The following LRBA variants were observed in gnomAD, a reference collection of about 807,000 sequenced individuals.
LRBA encodes lipopolysaccharide-responsive and beige-like anchor protein.
In LRBA, 176 loss-of-function variants were observed where a neutral mutation model predicts 330.0. The ratio of observed to expected loss-of-function variants is 0.53; its 90% CI spans 0.47 to 0.60. The LOEUF is 0.60. Ranked by LOEUF, LRBA falls within the 20% of genes least tolerant of loss-of-function variation. The probability of loss-of-function intolerance (pLI) is 0.00; values close to 1 mark genes in which losing one functional copy is unlikely to be tolerated. For synonymous variants in LRBA, 1,230 were observed against 1,193.0 expected, an observed-to-expected ratio of 1.03 and a Z score of -0.64; for missense variants, 3,259 against 3,444.8, an observed-to-expected ratio of 0.95 and a Z score of 1.35.
intron 37 of LRBA, among the ~76,000 whole-genome samples, chr4:150,606,576 C>A (rs1774653780): frequency 6.6e-6 from 1 of 152,114 alleles, no homozygotes; most frequent in East Asian, 1.9e-4. Context: ...CTACTCTGTG[C>A]TACACACTGT....
intron 42 of LRBA, among the ~76,000 whole-genome samples, chr4:150,474,329 T>C (rs1311314853): frequency 6.6e-6 from 1 of 152,202 alleles, no homozygotes; most frequent in Non-Finnish European, 1.5e-5. Context: ...TTAATTTATA[T>C]GCCGATCTTT....
intron 40 of LRBA, among the ~76,000 whole-genome samples, chr4:150,559,368 C>T (rs1290839221): frequency 6.6e-6 from 1 of 151,056 alleles, no homozygotes; most frequent in Non-Finnish European, 1.5e-5. Context: ...TGAGACCATC[C>T]TGGCCAACAT....
chr4:150,527,315 G>T (rs1763585181), intron 40 of LRBA, among the ~76,000 whole-genome samples: 1 of 152,106 alleles, frequency 6.6e-6, no homozygotes, highest in Admixed American at 6.5e-5. Flanking sequence ...GGGAAGTACT[G>T]GCTGAACCAA....
intron 4 of LRBA, among the ~76,000 whole-genome samples, chr4:150,926,643 A>T (rs1733914818): frequency 6.6e-6 from 1 of 152,220 alleles, no homozygotes; most frequent in Admixed American, 6.5e-5. Context: ...TGAGTAAAAA[A>T]CTGACCTAGA....
At chr4:150,405,735 G>T (rs1345211330) in intron 47 of LRBA, among the ~76,000 whole-genome samples, 6 of 152,050 alleles carry the variant, frequency 3.9e-5, no homozygotes, top group African/African-American at 1.4e-4. Flanking sequence ...AATTAAGTTG[G>T]TAATAACCTG....
intron 30 of LRBA, among the ~76,000 whole-genome samples, chr4:150,822,953 T>C (rs1745679934): frequency 6.6e-6 from 1 of 152,072 alleles, no homozygotes; most frequent in Non-Finnish European, 1.5e-5. Flanking sequence ...AAGCACAGTG[T>C]TATAAACACA....
intron 35 of LRBA, among the ~76,000 whole-genome samples, chr4:150,739,377 G>A (rs1394740779): frequency 6.6e-6 from 1 of 151,924 alleles, no homozygotes; most frequent in African/African-American, 2.4e-5. Flanking sequence ...CAAAATGCGG[G>A]GTCACAAAGC....
Position 150,285,843 on chromosome 4 carries a change from T to C in LRBA, c.8119+90A>G, listed in dbSNP as rs2126779282. On this transcript the variant is annotated intron_variant, in intron 54 of 56. Transcript: ENST00000651943. The stretch of plus-strand genomic sequence containing the variant: ...TGGCTATCATAACAGACAGAAGCTT[T>C]AGAAAAAAGGTACCAAATTAATCTT... The C allele has an allele frequency of 1.1e-5, 8 of 711,134 alleles. No homozygotes were observed. In the East Asian group the frequency reaches 2.3e-4, roughly 20 times the overall value. 44.1% of individuals were successfully genotyped at this position (711,134 alleles called of 1,614,324 possible). A position where few individuals can be genotyped will look rare whatever the true frequency, so the allele number is the denominator to read the frequency against.
chr4:150,853,317 G>A (rs182045074), intron 22 of LRBA, among the ~76,000 whole-genome samples: 4 of 152,222 alleles, frequency 2.6e-5, no homozygotes, highest in East Asian at 1.9e-4. Flanking sequence ...TGTTTCAACC[G>A]CTATGAATAC....
chr4:150,327,929 C>G (rs61050456), intron 48 of LRBA, among the ~76,000 whole-genome samples: 3,352 of 151,958 alleles, frequency 0.022, 105 homozygotes, highest in African/African-American at 0.072. Flanking sequence ...CAAAATATAC[C>G]ACAGGGCTAA....
At chr4:150,618,846 ATG>A (rs1266017584) in intron 37 of LRBA, among the ~76,000 whole-genome samples, 518 of 38,344 alleles carry the variant, frequency 0.014, 3 homozygotes, top group African/African-American at 0.023. Flanking sequence ...ATATGTGTGT[ATG>A]TATATATATA....
intron 36 of LRBA, among the ~76,000 whole-genome samples, chr4:150,728,290 C>A (rs1478880888): frequency 6.6e-6 from 1 of 151,978 alleles, no homozygotes; most frequent in Non-Finnish European, 1.5e-5. Flanking sequence ...AGAACTAATA[C>A]CAATCCTACT....
intron 37 of LRBA, among the ~76,000 whole-genome samples, chr4:150,661,996 G>A (rs1781159594): frequency 6.6e-6 from 1 of 151,900 alleles, no homozygotes; most frequent in South Asian, 2.1e-4. Context: ...AATTCATTAA[G>A]CTATATCAAA....
At chr4:150,727,758 A>C (rs1053577515) in intron 36 of LRBA, among the ~76,000 whole-genome samples, 4 of 152,126 alleles carry the variant, frequency 2.6e-5, no homozygotes, top group African/African-American at 7.2e-5. Flanking sequence ...CCCGTGTCAA[A>C]AAAAAAGAAA....
Position 150,714,920 on chromosome 4 carries a change from T to C in LRBA, c.5754+20338A>G, listed in dbSNP as rs76943100. Among the ~76,000 whole-genome samples, 696 of 152,256 alleles carry C rather than the reference T, an allele frequency of 4.6e-3. 6 individuals carry two copies. The highest frequency in any genetic ancestry group is 0.016 in the African/African-American group (666 of 41,562). ...AGTCAATATTATTTCACCATTTGTTTCAGGAAATCCTACCCCAGGAAGATA... is the reference window on the plus strand; with the variant it reads ...AGTCAATATTATTTCACCATTTGTTCCAGGAAATCCTACCCCAGGAAGATA... On this transcript the variant is annotated intron_variant, in intron 36 of 56. Transcript: ENST00000651943.
intron 37 of LRBA, among the ~76,000 whole-genome samples, chr4:150,639,823 A>T (rs867325454): frequency 1.4e-4 from 1 of 7,372 alleles, no homozygotes; most frequent in African/African-American, 3.2e-4. Flanking sequence ...GTGTGTGTAT[A>T]TATATATATA....
Position 150,502,780 on chromosome 4 carries a change from G to A in LRBA, c.6331-11745C>T, listed in dbSNP as rs1322787562. Among the ~76,000 whole-genome samples, 3 of 152,236 alleles carry A rather than the reference G, an allele frequency of 2.0e-5. No individual in the cohort carries two copies. In the East Asian group the frequency reaches 5.8e-4, roughly 29 times the overall value. On this transcript the variant is annotated intron_variant, in intron 40 of 56. Transcript: ENST00000651943. ...ATTGCCTTACCCGAGAAGCGCAAGG[G>A]GTCAGGGAATTCCCTTTCCTAGTCA...
intron 2 of LRBA, among the ~76,000 whole-genome samples, chr4:150,966,182 T>C (rs1418037376): frequency 1.3e-5 from 2 of 152,150 alleles, no homozygotes; most frequent in Non-Finnish European, 2.9e-5. Flanking sequence ...CAGTGGAAGA[T>C]GGTAGAAAAG....
chr4:150,939,851 G>A (rs1291737439), intron 2 of LRBA, among the ~76,000 whole-genome samples: 1 of 152,140 alleles, frequency 6.6e-6, no homozygotes, highest in East Asian at 1.9e-4. Context: ...AGGTGAGGGT[G>A]AAATATCACC....
Sources: gnomAD v4.1 joint callset for allele counts (sites outside exome capture counted in the v4.1 genomes callset) on GRCh38, gnomAD v4.1.1 for gene constraint, MANE v1.5 for transcripts, NCBI Gene and HGNC (gene_info 2026-07-23, HGNC 2026-07-21) for gene names.